The following GRIA4 variants were observed in gnomAD, a reference collection of about 807,000 sequenced individuals.
The protein encoded by GRIA4 is glutamate receptor 4.
Under a neutral mutation model 104.0 loss-of-function variants are expected in GRIA4, and 34 were observed. That is an observed-to-expected ratio of 0.33 (90% CI 0.25 to 0.44). The LOEUF (loss-of-function observed/expected upper bound fraction) is 0.44. GRIA4 is among the 20% of genes least tolerant of loss of function. The pLI, the probability that GRIA4 is intolerant of heterozygous loss-of-function variation, is 1.00. For synonymous variants in GRIA4, 386 were observed against 381.9 expected (o/e 1.01, Z -0.13); for missense variants, 750 against 1,096.5 (o/e 0.68, Z 4.46).
intron 3 of GRIA4, among the ~76,000 whole-genome samples, chr11:105,615,718 C>T (rs144929518): frequency 2.0e-4 from 30 of 151,782 alleles, no homozygotes; most frequent in African/African-American, 6.7e-4. Context: ...AACAAAAATG[C>T]TAGTTTAATT....
chr11:105,963,270 A>G (rs952750042), intron 14 of GRIA4, among the ~76,000 whole-genome samples: 2 of 152,284 alleles, frequency 1.3e-5, no homozygotes, highest in Non-Finnish European at 2.9e-5. Flanking sequence ...AATAACATGT[A>G]GAAGTGATTC....
At chr11:105,617,275 CATAT>C (rs1228301730) in intron 3 of GRIA4, among the ~76,000 whole-genome samples, 2 of 150,150 alleles carry the variant, frequency 1.3e-5, no homozygotes, top group African/African-American at 4.9e-5. Flanking sequence ...TATATCTTTT[CATAT>C]ATATATATGA....
intron 4 of GRIA4, among the ~76,000 whole-genome samples, chr11:105,823,621 T>C (rs776536709): frequency 6.6e-6 from 1 of 152,062 alleles, no homozygotes. Flanking sequence ...AAATTAAATG[T>C]TTCTAAGTCT....
intron 3 of GRIA4, among the ~76,000 whole-genome samples, chr11:105,631,519 C>T (rs1951035453): frequency 6.6e-6 from 1 of 152,192 alleles, no homozygotes; most frequent in African/African-American, 2.4e-5. Flanking sequence ...TCATAGATAA[C>T]AAACTATTTA....
At chr11:105,714,533 A>C (rs1954025472) in intron 3 of GRIA4, among the ~76,000 whole-genome samples, 1 of 152,120 alleles carries the variant, frequency 6.6e-6, no homozygotes, top group African/African-American at 2.4e-5. Context: ...ATCATGCTTA[A>C]GACTTGAGTA....
At chr11:105,837,748 T>A (rs1371147580) in intron 4 of GRIA4, among the ~76,000 whole-genome samples, 2 of 152,162 alleles carry the variant, frequency 1.3e-5, no homozygotes, top group Non-Finnish European at 2.9e-5. Context: ...TCCATGATTT[T>A]AAAAATTCTA....
chr11:105,922,409 T>C (rs981041069), intron 11 of GRIA4, among the ~76,000 whole-genome samples: 1 of 152,154 alleles, frequency 6.6e-6, no homozygotes, highest in African/African-American at 2.4e-5. Context: ...ATTAAAAAGA[T>C]TATTACTGTT....
chr11:105,695,081 T>C (rs1489953239), intron 3 of GRIA4, among the ~76,000 whole-genome samples: 1 of 152,206 alleles, frequency 6.6e-6, no homozygotes, highest in African/African-American at 2.4e-5. Flanking sequence ...CTTTTTCTCC[T>C]ATTCTGCTAT....
intron 10 of GRIA4, among the ~76,000 whole-genome samples, chr11:105,917,815 GGT>G (rs147308478): frequency 0.21 from 29,700 of 142,516 alleles, 2,996 homozygotes; most frequent in Admixed American, 0.25. Flanking sequence ...TTGGTTTAAG[GGT>G]GTGTGTGTGT....
At chr11:105,612,577 A>C in intron 3 of GRIA4, 143 bp downstream of exon 3, 1 of 599,006 alleles carries the variant, frequency 1.7e-6, no homozygotes, top group Non-Finnish European at 2.8e-6. Context: ...CAGAGTTAAA[A>C]ACAAGACTTC....
At chr11:105,804,514 G>C (rs187488975) in intron 4 of GRIA4, among the ~76,000 whole-genome samples, 1 of 151,992 alleles carries the variant, frequency 6.6e-6, no homozygotes, top group East Asian at 1.9e-4. Flanking sequence ...ATGAATTCTA[G>C]TTAAGTTGTA....
chr11:105,841,439 G>A (rs1362637389), intron 4 of GRIA4, among the ~76,000 whole-genome samples: 1 of 152,118 alleles, frequency 6.6e-6, no homozygotes, highest in African/African-American at 2.4e-5. Context: ...AGGACTGTGG[G>A]CCTGGAGTCC....
chr11:105,740,580 C>A (rs1322728899), intron 3 of GRIA4, among the ~76,000 whole-genome samples: 3 of 152,144 alleles, frequency 2.0e-5, no homozygotes, highest in Non-Finnish European at 4.4e-5. Context: ...CGTAAATAAG[C>A]AATCAAATAA....
At chr11:105,805,259 A>G (rs1259799544) in intron 4 of GRIA4, among the ~76,000 whole-genome samples, 1 of 151,798 alleles carries the variant, frequency 6.6e-6, no homozygotes, top group Non-Finnish European at 1.5e-5. Context: ...GTATTAGCTA[A>G]TTAATGTGAC....
In GRIA4 at chr11:105,665,467, C is replaced by T. The variant is rs573001740; in HGVS notation, c.247+53033C>T. ...CAGGTTTCTCACCATTAGCGTATCCCGGAGGTTGCACTGGCCTTCGAGAAT... is the reference window on the plus strand; with the variant it reads ...CAGGTTTCTCACCATTAGCGTATCCTGGAGGTTGCACTGGCCTTCGAGAAT... On this transcript the variant is annotated intron_variant, in intron 3 of 16. Coordinates refer to ENST00000282499, the MANE Select transcript of GRIA4 (RefSeq NM_000829.4). Among the ~76,000 whole-genome samples, 174 of 151,940 alleles carry T rather than the reference C, an allele frequency of 1.1e-3. 2 individuals carry two copies. The highest frequency in any genetic ancestry group is 0.01 in the Middle Eastern group (3 of 294).
intron 5 of GRIA4, among the ~76,000 whole-genome samples, chr11:105,884,318 C>T (rs183216376): frequency 6.6e-6 from 1 of 152,306 alleles, no homozygotes; most frequent in African/African-American, 2.4e-5. Flanking sequence ...TTGGTCTGCA[C>T]CCACAGTCAA....
chr11:105,943,701 G>A (rs993829263), intron 14 of GRIA4, among the ~76,000 whole-genome samples: 8 of 152,008 alleles, frequency 5.3e-5, no homozygotes, highest in Non-Finnish European at 1.2e-4. Context: ...CTTATTCATA[G>A]ATTCCCAGAT....
intron 3 of GRIA4, among the ~76,000 whole-genome samples, chr11:105,647,596 T>C (rs919336464): frequency 2.0e-5 from 3 of 152,126 alleles, no homozygotes; most frequent in African/African-American, 7.2e-5. Flanking sequence ...ACATACACCA[T>C]GGAAAACTAT....
chr11:105,831,240 C>T (rs987467475), intron 4 of GRIA4, among the ~76,000 whole-genome samples: 3 of 151,904 alleles, frequency 2.0e-5, no homozygotes. Flanking sequence ...CCTTTTTTCT[C>T]CTCCTTGTGG....
Sources: allele counts gnomAD v4.1 joint callset (sites outside exome capture counted in the v4.1 genomes callset), GRCh38; gene constraint gnomAD v4.1.1; transcripts MANE v1.5; gene names NCBI Gene and HGNC (gene_info 2026-07-23, HGNC 2026-07-21).